Variants in CCDC7 observed in about 807,000 individuals in gnomAD.
CCDC7 encodes the protein coiled-coil domain-containing protein 7.
A neutral mutation model predicts 196.9 loss-of-function variants in CCDC7; 183 were observed. The observed-to-expected ratio is 0.93, with a 90% CI of 0.82 to 1.05. The LOEUF is 1.05. Ranked by LOEUF, CCDC7 falls within the 50% of genes least tolerant of loss-of-function variation. The pLI is 0.00. For synonymous variants in CCDC7, 525 were observed against 484.6 expected, an observed-to-expected ratio of 1.08 and a Z score of -1.10; for missense variants, 1,540 against 1,482.2, an observed-to-expected ratio of 1.04 and a Z score of -0.64.
chr10:32,504,364 C>T (rs374196987), intron 9 of CCDC7, among the ~76,000 whole-genome samples: 128 of 152,198 alleles, frequency 8.4e-4, no homozygotes, highest in Admixed American at 1.0e-3. Context: ...CTGCCTGCCT[C>T]GGCCTCCCAA....
chr10:32,639,954 C>T (rs2066418984), intron 20 of CCDC7, among the ~76,000 whole-genome samples: 1 of 152,144 alleles, frequency 6.6e-6, no homozygotes, highest in Non-Finnish European at 1.5e-5. Flanking sequence ...GAGTGCTTTA[C>T]TTGCAACTGT....
At chr10:32,578,501 G>T (rs2058440700) in intron 16 of CCDC7, among the ~76,000 whole-genome samples, 1 of 151,448 alleles carries the variant, frequency 6.6e-6, no homozygotes, top group South Asian at 2.1e-4. Flanking sequence ...CCCATCTGGG[G>T]GTGATGGGAG....
At chr10:32,726,906 C>T (rs1260755609) in intron 26 of CCDC7, 74 bp downstream of exon 27, 2 of 882,122 alleles carry the variant, frequency 2.3e-6, no homozygotes, top group Non-Finnish European at 3.4e-6. Context: ...GCCTTTGATT[C>T]CTGAATGTGT....
intron 24 of CCDC7, among the ~76,000 whole-genome samples, chr10:32,703,124 A>G (rs1020454941): frequency 1.2e-4 from 18 of 152,106 alleles, no homozygotes; most frequent in Non-Finnish European, 1.9e-4. Context: ...GGTCTTTACA[A>G]TTTGGCATGT....
intron 28 of CCDC7, among the ~76,000 whole-genome samples, chr10:32,775,053 A>G (rs549158259): frequency 6.6e-6 from 1 of 152,190 alleles, no homozygotes; most frequent in South Asian, 2.1e-4. Flanking sequence ...TCTATTAGGA[A>G]TCTCTGTCTC....
chr10:32,555,799 G>C (rs542639242), intron 13 of CCDC7, among the ~76,000 whole-genome samples: 1 of 152,276 alleles, frequency 6.6e-6, no homozygotes, highest in Admixed American at 6.5e-5. Flanking sequence ...ACTTAAAACA[G>C]TAGAATCATT....
intron 9 of CCDC7, chr10:32,513,507 C>T (rs775428121): frequency 6.6e-6 from 1 of 151,944 alleles, no homozygotes. Context: ...TAGTGTTACT[C>T]TGATACCAAA....
chr10:32,853,656 A>G (rs963575524), intron 40 of CCDC7, among the ~76,000 whole-genome samples: 4 of 152,170 alleles, frequency 2.6e-5, no homozygotes, highest in East Asian at 1.9e-4. Flanking sequence ...CAAAATATGT[A>G]TCTTTACAAT....
chr10:32,574,310 T>C, intron 16 of CCDC7: 6 of 506,798 alleles, frequency 1.2e-5, no homozygotes. Flanking sequence ...TTATTATATA[T>C]TATATAATAA....
At chr10:32,491,876 A>C in intron 8 of CCDC7, 46 bp from the exon 10 acceptor site, 1 of 1,512,838 alleles carries the variant, frequency 6.6e-7, no homozygotes. Flanking sequence ...GCTATAACTT[A>C]AGCTATTTAT....
intron 8 of CCDC7, among the ~76,000 whole-genome samples, chr10:32,477,167 T>C (rs1440180054): frequency 3.9e-5 from 6 of 152,184 alleles, no homozygotes; most frequent in Non-Finnish European, 7.3e-5. Flanking sequence ...TGTAAAAGTT[T>C]TATAGTTTTG....
At chr10:32,493,216 T>C (rs952069391) in intron 9 of CCDC7, among the ~76,000 whole-genome samples, 22 of 151,944 alleles carry the variant, frequency 1.4e-4, no homozygotes, top group Non-Finnish European at 3.1e-4. Flanking sequence ...TCTATTTCCA[T>C]GAGTTTGACT....
At chr10:32,567,039 C>A (rs2056920325) in intron 14 of CCDC7, among the ~76,000 whole-genome samples, 1 of 132,116 alleles carries the variant, frequency 7.6e-6, no homozygotes. Context: ...TCTAATATAG[C>A]TAATATATAT....
At chr10:32,485,921 G>A (rs1274043815) in intron 8 of CCDC7, among the ~76,000 whole-genome samples, 2 of 152,182 alleles carry the variant, frequency 1.3e-5, no homozygotes, top group Non-Finnish European at 2.9e-5. Flanking sequence ...TTCCAACTAT[G>A]TGGTCAATTT....
intron 28 of CCDC7, among the ~76,000 whole-genome samples, chr10:32,743,900 A>G (rs957035654): frequency 4.0e-5 from 6 of 148,978 alleles, no homozygotes; most frequent in African/African-American, 1.5e-4. Flanking sequence ...AAAAAACCAA[A>G]CACCGCATAT....
rs1161726912 is a variant in CCDC7 at position 32,778,958 on chromosome 10, C to T, written c.2906-19C>T. On this transcript the variant is annotated intron_variant, in intron 28 of 41. Transcript: ENST00000639629. Reference sequence around the variant, plus strand: ...TAGTTTTTTAAATCAACTACTTTGACAATCTGTTATTCTTACAGTTAAAAA... The same window carrying T: ...TAGTTTTTTAAATCAACTACTTTGATAATCTGTTATTCTTACAGTTAAAAA... 3.9e-6 allele frequency: 6 copies of T among 1,522,896 alleles called. No individual in the cohort carries two copies. The Admixed American group carries it at 8.0e-5, about 20-fold the overall frequency. 94.3% of individuals were successfully genotyped at this position (1,522,896 alleles called of 1,614,324 possible). A position where few individuals can be genotyped will look rare whatever the true frequency, so the allele number is the denominator to read the frequency against.
intron 18 of CCDC7, among the ~76,000 whole-genome samples, chr10:32,585,140 C>T (rs2059131653): frequency 6.6e-6 from 1 of 151,002 alleles, no homozygotes; most frequent in African/African-American, 2.4e-5. Context: ...GTGGCATGAT[C>T]TCGGCTCACT....
chr10:32,785,298 G>C (rs1322294295), intron 29 of CCDC7, among the ~76,000 whole-genome samples: 2 of 152,068 alleles, frequency 1.3e-5, no homozygotes, highest in African/African-American at 2.4e-5. Flanking sequence ...CATTTTCTAT[G>C]ATGCAATAAA....
chr10:32,610,620 A>C (rs751410405), intron 18 of CCDC7, among the ~76,000 whole-genome samples: 1 of 151,998 alleles, frequency 6.6e-6, no homozygotes, highest in Non-Finnish European at 1.5e-5. Context: ...CCCCTCCGGG[A>C]GCCCATATGT....
Sources: allele counts gnomAD v4.1 joint callset (sites outside exome capture counted in the v4.1 genomes callset), GRCh38; gene constraint gnomAD v4.1.1; transcripts MANE v1.5; gene names NCBI Gene and HGNC (gene_info 2026-07-23, HGNC 2026-07-21).